Variants in FOCAD observed in about 807,000 individuals in gnomAD.
FOCAD encodes the protein focadhesin.
A neutral mutation model predicts 225.6 loss-of-function variants in FOCAD; 198 were observed. The ratio of observed to expected loss-of-function variants is 0.88; its 90% CI spans 0.78 to 0.99. The LOEUF is 0.99. FOCAD is among the 50% of genes least tolerant of loss of function. The pLI is 0.00. For missense variants in FOCAD, 2,713 were observed against 2,123.6 expected, an observed-to-expected ratio of 1.28 and a Z score of -5.46; for synonymous variants, 897 against 755.0, an observed-to-expected ratio of 1.19 and a Z score of -3.08.
At chr9:20,768,456 T>C (rs950447398) in intron 7 of FOCAD, among the ~76,000 whole-genome samples, 3 of 151,944 alleles carry the variant, frequency 2.0e-5, no homozygotes, top group Non-Finnish European at 4.4e-5. Context: ...TTCCTACCCA[T>C]GAGCATGGAA....
intron 40 of FOCAD, among the ~76,000 whole-genome samples, chr9:20,987,392 C>T (rs907879059): frequency 6.6e-6 from 1 of 151,912 alleles, no homozygotes; most frequent in Non-Finnish European, 1.5e-5. Flanking sequence ...CATGTAGTCC[C>T]AGCTACTCAG....
rs777095643 is a variant in FOCAD, at chr9:20,740,347, C to T, written c.392+7C>T. ...AGAGTATATATACCATTAGGTAAGC[C>T]TTTTTTCTGTTTTTTTTTTAAACAA... On this transcript the variant is annotated splice_region_variant and intron_variant, in intron 5 of 43. Transcript: ENST00000338382. The T allele has an allele frequency of 6.9e-6, 10 of 1,448,384 alleles. No homozygotes were observed. The highest frequency in any genetic ancestry group is 2.6e-5 in the South Asian group (2 of 77,782). 89.7% of individuals were successfully genotyped at this position (1,448,384 alleles called of 1,614,324 possible).
At chr9:20,790,437 A>G (rs566737456) in intron 11 of FOCAD, among the ~76,000 whole-genome samples, 1 of 152,312 alleles carries the variant, frequency 6.6e-6, no homozygotes, top group South Asian at 2.1e-4. Flanking sequence ...TTCCTAGAGG[A>G]AAAAATTTGA....
intron 23 of FOCAD, among the ~76,000 whole-genome samples, chr9:20,915,847 T>G (rs528335267): frequency 6.6e-6 from 1 of 152,290 alleles, no homozygotes; most frequent in South Asian, 2.1e-4. Flanking sequence ...ACCTTAAATG[T>G]AAGTATACAT....
At chr9:20,826,584 C>G (rs1485585545) in intron 15 of FOCAD, among the ~76,000 whole-genome samples, 1 of 152,034 alleles carries the variant, frequency 6.6e-6, no homozygotes, top group African/African-American at 2.4e-5. Context: ...AATAAACTTC[C>G]CTTCATACAT....
rs181283092 is a variant in FOCAD at position 20,941,658 on chromosome 9, G to A, written c.3408-2969G>A. Among the ~76,000 whole-genome samples, 812 of 152,280 alleles carry A rather than the reference G, an allele frequency of 5.3e-3. 3 individuals carry two copies. The highest frequency in any genetic ancestry group is 7.4e-3 in the Non-Finnish European group (502 of 68,022). On this transcript the variant is annotated intron_variant, in intron 28 of 43. Transcript: ENST00000338382. Reference sequence around the variant, plus strand: ...GATTCAAATAAGTAATGACATAATAGTGTATGGAATTTAAAAACTCAAATT... The same window carrying A: ...GATTCAAATAAGTAATGACATAATAATGTATGGAATTTAAAAACTCAAATT...
At chr9:20,840,057 C>T (rs1167830136) in intron 15 of FOCAD, among the ~76,000 whole-genome samples, 1 of 152,094 alleles carries the variant, frequency 6.6e-6, no homozygotes, top group Non-Finnish European at 1.5e-5. Context: ...GTTTTGGTTA[C>T]TATAGCTTTG....
At chr9:20,790,011 A>G (rs1243130572) in intron 11 of FOCAD, among the ~76,000 whole-genome samples, 1 of 152,318 alleles carries the variant, frequency 6.6e-6, no homozygotes, top group East Asian at 1.9e-4. Flanking sequence ...CCTATACAAT[A>G]GACATTAATA....
chr9:20,680,995 C>G (rs188913425), upstream of FOCAD, among the ~76,000 whole-genome samples: 97 of 152,158 alleles, frequency 6.4e-4, no homozygotes, highest in East Asian at 9.7e-3. Context: ...AAGATCCTGC[C>G]TCAAACCAAA....
intron 15 of FOCAD, among the ~76,000 whole-genome samples, chr9:20,852,671 T>A (rs1293782072): frequency 1.3e-5 from 2 of 151,980 alleles, no homozygotes; most frequent in Admixed American, 1.3e-4. Flanking sequence ...TGTTTCTGAA[T>A]TGACTGCCTA....
chr9:20,663,250 G>C (rs1371721462), intron 2 of FOCAD, among the ~76,000 whole-genome samples: 2 of 151,990 alleles, frequency 1.3e-5, no homozygotes, highest in African/African-American at 4.8e-5. Context: ...AAATTAGTCA[G>C]ACATGGTGGC....
intron 29 of FOCAD, among the ~76,000 whole-genome samples, 187 bp from the exon 30 acceptor site, chr9:20,946,514 C>T (rs1660635074): frequency 6.6e-6 from 1 of 152,164 alleles, no homozygotes; most frequent in Admixed American, 6.5e-5. Flanking sequence ...TAATCATACC[C>T]ATCATGACAG....
intron 4 of FOCAD, among the ~76,000 whole-genome samples, chr9:20,733,876 C>T (rs939177360): frequency 6.6e-6 from 1 of 152,138 alleles, no homozygotes; most frequent in Admixed American, 6.5e-5. Context: ...TGATGCACAC[C>T]TATAGCTCCA....
intron 11 of FOCAD, among the ~76,000 whole-genome samples, chr9:20,798,757 G>C (rs1230826333): frequency 6.6e-6 from 1 of 151,532 alleles, no homozygotes; most frequent in Non-Finnish European, 1.5e-5. Context: ...TATTAATCTT[G>C]CTAGTGGTCT....
At chr9:20,798,491 T>A (rs1821392804) in intron 11 of FOCAD, among the ~76,000 whole-genome samples, 2 of 152,190 alleles carry the variant, frequency 1.3e-5, no homozygotes, top group African/African-American at 4.8e-5. Context: ...CTTTTTTTGG[T>A]TGGTAAGCTA....
At chr9:20,773,508 C>G (rs1818443024) in intron 8 of FOCAD, among the ~76,000 whole-genome samples, 2 of 152,248 alleles carry the variant, frequency 1.3e-5, no homozygotes, top group Admixed American at 1.3e-4. Flanking sequence ...AAACATAGAA[C>G]TTTGAAACCA....
chr9:20,819,503 C>T (rs1436526954), intron 11 of FOCAD, among the ~76,000 whole-genome samples: 1 of 152,100 alleles, frequency 6.6e-6, no homozygotes, highest in Non-Finnish European at 1.5e-5. Flanking sequence ...TGTGAGCCAC[C>T]ATGCTTGGCA....
chr9:20,748,979 G>A (rs1587005839), intron 5 of FOCAD, among the ~76,000 whole-genome samples: 1 of 152,204 alleles, frequency 6.6e-6, no homozygotes, highest in African/African-American at 2.4e-5. Flanking sequence ...CCACAAAAAT[G>A]TTGTAGTTTT....
chr9:20,667,097 A>G (rs192196622), intron 2 of FOCAD, among the ~76,000 whole-genome samples: 47 of 152,350 alleles, frequency 3.1e-4, no homozygotes, highest in African/African-American at 1.0e-3. Context: ...GAAGCTACTA[A>G]TAATTACATT....
Sources: allele counts gnomAD v4.1 joint callset (sites outside exome capture counted in the v4.1 genomes callset), GRCh38; gene constraint gnomAD v4.1.1; transcripts MANE v1.5; gene names NCBI Gene and HGNC (gene_info 2026-07-23, HGNC 2026-07-21).